The following PITPNC1 variants were observed in gnomAD, a reference collection of about 807,000 sequenced individuals.
PITPNC1 encodes phosphatidylinositol transfer protein cytoplasmic 1.
A neutral mutation model predicts 44.7 loss-of-function variants in PITPNC1; 18 were observed. That is an observed-to-expected ratio of 0.40 (90% CI 0.28 to 0.60). The LOEUF (loss-of-function observed/expected upper bound fraction) is 0.60, where lower values mean the gene tolerates loss of function less well. PITPNC1 is among the 20% of genes least tolerant of loss of function. The pLI, the probability that PITPNC1 is intolerant of heterozygous loss-of-function variation, is 0.39. For synonymous variants in PITPNC1, 141 were observed against 149.6 expected (o/e 0.94, Z 0.42); for missense variants, 290 against 418.4 (o/e 0.69, Z 2.68).
Position 67,693,622 on chromosome 17 carries a change from T to A in PITPNC1, c.*734T>A, listed in dbSNP as rs2042965913. 2 of 152,438 alleles carry A rather than the reference T, an allele frequency of 1.3e-5. No homozygotes were observed. The highest frequency in any genetic ancestry group is 2.9e-5 in the Non-Finnish European group (2 of 68,028). The allele number at this position is 152,438 out of a possible 1,614,324, so 9.4% of individuals were successfully genotyped here. On this transcript the variant is annotated 3_prime_UTR_variant, in exon 9 of 9. Coordinates refer to ENST00000581322, the MANE Select transcript of PITPNC1 (RefSeq NM_012417.4). The stretch of plus-strand genomic sequence containing the variant: ...CATAACTGATTTTGGAATGGTTCAG[T>A]TTAGGAACCAAGAGGCCCAGGTGAG...
At chr17:67,632,928 C>T (rs2041989597) in intron 6 of PITPNC1, among the ~76,000 whole-genome samples, 2 of 152,170 alleles carry the variant, frequency 1.3e-5, no homozygotes, top group Non-Finnish European at 2.9e-5. Context: ...TCCTTTCTCT[C>T]AAAACAGCAA....
At chr17:67,430,342 C>T (rs952425519) in intron 1 of PITPNC1, among the ~76,000 whole-genome samples, 1 of 151,432 alleles carries the variant, frequency 6.6e-6, no homozygotes. Context: ...CCTGTCTCTA[C>T]TAAGACACAA....
At chr17:67,494,900 G>C (rs947990397) in intron 1 of PITPNC1, among the ~76,000 whole-genome samples, 1 of 151,838 alleles carries the variant, frequency 6.6e-6, no homozygotes, top group African/African-American at 2.4e-5. Context: ...TTGAGCCCAG[G>C]GGGTCAAGGC....
chr17:67,624,228 TTTCCTCAGGG>T (rs1269036279), intron 5 of PITPNC1, among the ~76,000 whole-genome samples: 1 of 149,676 alleles, frequency 6.7e-6, no homozygotes. Context: ...TTTTTTTTTT[TTTCCTCAGGG>T]TTTCACTCTG....
At chr17:67,578,316 TTCTCACAGCCCCTC>T (rs1266980821) in intron 5 of PITPNC1, 59 bp downstream of exon 5, 20 of 1,173,302 alleles carry the variant, frequency 1.7e-5, no homozygotes, top group Non-Finnish European at 2.4e-5. Flanking sequence ...ATCACAGCAC[TTCTCACAGCCCCTC>T]TGTGACCAGG....
chr17:67,402,503 C>T (rs919956132), intron 1 of PITPNC1, among the ~76,000 whole-genome samples: 1 of 151,988 alleles, frequency 6.6e-6, no homozygotes, highest in Non-Finnish European at 1.5e-5. Flanking sequence ...ACCCCCCATC[C>T]CCCGCCCCTC....
intron 1 of PITPNC1, among the ~76,000 whole-genome samples, chr17:67,395,333 G>A (rs867999459): frequency 5.3e-5 from 8 of 151,928 alleles, no homozygotes; most frequent in Admixed American, 6.6e-5. Context: ...AGAGATGGGC[G>A]GGGAGGTGTC....
intron 5 of PITPNC1, among the ~76,000 whole-genome samples, chr17:67,619,620 CA>C (rs2041804772): frequency 6.6e-6 from 1 of 152,190 alleles, no homozygotes; most frequent in South Asian, 2.1e-4. Context: ...ACAGTGCCCG[CA>C]GATGATGCTG....
At chr17:67,534,317 A>G (rs1262748082) in intron 2 of PITPNC1, among the ~76,000 whole-genome samples, 3 of 152,066 alleles carry the variant, frequency 2.0e-5, no homozygotes. Context: ...AAACCTTCGG[A>G]ATATTTGTGG....
intron 5 of PITPNC1, among the ~76,000 whole-genome samples, chr17:67,615,106 G>C (rs1009036876): frequency 1.3e-5 from 2 of 152,196 alleles, no homozygotes; most frequent in African/African-American, 4.8e-5. Flanking sequence ...AGTCTTCTGG[G>C]CAGCTGCCCT....
chr17:67,582,089 T>C (rs2144239038), intron 5 of PITPNC1, among the ~76,000 whole-genome samples: 2 of 152,298 alleles, frequency 1.3e-5, no homozygotes, highest in East Asian at 3.9e-4. Flanking sequence ...TTCATACTTG[T>C]TAATACTTCA....
chr17:67,638,957 A>AG (rs1475382142), intron 6 of PITPNC1: 1 of 150,224 alleles, frequency 6.7e-6, no homozygotes, highest in African/African-American at 2.5e-5. Context: ...CAAAAAAAAA[A>AG]TAAAAATAAA....
chr17:67,570,988 C>A (rs2041048075), intron 4 of PITPNC1, among the ~76,000 whole-genome samples: 1 of 152,198 alleles, frequency 6.6e-6, no homozygotes, highest in Non-Finnish European at 1.5e-5. Context: ...ATTCCCCCTT[C>A]CCTTGCACTT....
intron 1 of PITPNC1, among the ~76,000 whole-genome samples, chr17:67,495,065 T>TG (rs1283839349): frequency 1.1e-5 from 1 of 87,928 alleles, no homozygotes; most frequent in African/African-American, 4.3e-5. Context: ...TTTTTTTTTT[T>TG]TTTTTTTTTG....
intron 2 of PITPNC1, among the ~76,000 whole-genome samples, chr17:67,533,802 G>A (rs1017860396): frequency 1.2e-4 from 19 of 152,186 alleles, no homozygotes; most frequent in Non-Finnish European, 2.4e-4. Flanking sequence ...ACACATCAAG[G>A]ATGACAAAAT....
chr17:67,443,961 C>T lies in PITPNC1; in HGVS notation c.48+65759C>T, dbSNP rs180931466. ...ACACTGGTCTTAAAATCAGGAGAAC[C>T]TGGATTTGGCTTTTGGTCTTGTCAT... On this transcript the variant is annotated intron_variant, in intron 1 of 8. Coordinates refer to ENST00000581322, the MANE Select transcript of PITPNC1 (RefSeq NM_012417.4). 9.1e-4 allele frequency among the ~76,000 whole-genome samples: 139 copies of T among 152,118 alleles called. 3 individuals are homozygous for T. Among genetic ancestry groups the T allele is most frequent in the Admixed American group, 2.1e-3 (32 of 15,248 alleles).
At chr17:67,494,175 C>CTT (rs769958173) in intron 1 of PITPNC1, among the ~76,000 whole-genome samples, 5 of 66,974 alleles carry the variant, frequency 7.5e-5, no homozygotes, top group Non-Finnish European at 9.6e-5. Flanking sequence ...TTCTTTCTTT[C>CTT]TTTCTTTCTT....
At chr17:67,379,031 G>A in intron 1 of PITPNC1, 1 of 985,674 alleles carries the variant, frequency 1.0e-6, no homozygotes, top group Non-Finnish European at 1.2e-6. Context: ...CAGTATTCAG[G>A]AAGTGGTGAC....
intron 1 of PITPNC1, among the ~76,000 whole-genome samples, chr17:67,425,141 C>G (rs1021319796): frequency 6.6e-6 from 1 of 150,788 alleles, no homozygotes; most frequent in Admixed American, 6.6e-5. Context: ...TGACTCTTTT[C>G]GGACTCAGCC....
Sources: gnomAD v4.1 joint callset for allele counts (sites outside exome capture counted in the v4.1 genomes callset) on GRCh38, gnomAD v4.1.1 for gene constraint, MANE v1.5 for transcripts, NCBI Gene and HGNC (gene_info 2026-07-23, HGNC 2026-07-21) for gene names.